The following RSPRY1 variants were observed in gnomAD, a reference collection of about 807,000 sequenced individuals.
RSPRY1 encodes RING finger and SPRY domain-containing protein 1.
In RSPRY1, 23 loss-of-function variants were observed where a neutral mutation model predicts 73.1. The ratio of observed to expected loss-of-function variants is 0.31; its 90% CI spans 0.23 to 0.45. RSPRY1 has a LOEUF of 0.45. Among genes scored for constraint, RSPRY1 ranks in the 20% least tolerant of loss-of-function variants. RSPRY1 has a pLI of 1.00. For synonymous variants in RSPRY1, 226 were observed against 251.4 expected, an observed-to-expected ratio of 0.90 and a Z score of 0.95; for missense variants, 448 against 698.7, an observed-to-expected ratio of 0.64 and a Z score of 4.05.
At chr16:57,191,265 G>C (rs2074347862) in intron 1 of RSPRY1, among the ~76,000 whole-genome samples, 1 of 152,120 alleles carries the variant, frequency 6.6e-6, no homozygotes, top group African/African-American at 2.4e-5. Flanking sequence ...GGGAAATATA[G>C]CACTGTTTGT....
At chr16:57,212,688 C>T (rs187591372) in intron 4 of RSPRY1, among the ~76,000 whole-genome samples, 1 of 152,194 alleles carries the variant, frequency 6.6e-6, no homozygotes, top group Non-Finnish European at 1.5e-5. Flanking sequence ...GATCTCGGCT[C>T]ACTGCAACCT....
At chr16:57,226,191 T>A (rs563176266) in intron 10 of RSPRY1, among the ~76,000 whole-genome samples, 1 of 152,346 alleles carries the variant, frequency 6.6e-6, no homozygotes, top group Admixed American at 6.5e-5. Flanking sequence ...TCTCCAGTTT[T>A]GAAATCTCTG....
At chr16:57,208,029 G>C in intron 2 of RSPRY1, 29 bp from the exon 3 acceptor site, 1 of 1,441,428 alleles carries the variant, frequency 6.9e-7, no homozygotes, top group Non-Finnish European at 9.6e-7. Flanking sequence ...TATTTCCTCA[G>C]GTTTAATGCC....
At chr16:57,216,380 C>G in intron 7 of RSPRY1, 1 of 494,976 alleles carries the variant, frequency 2.0e-6, no homozygotes, top group East Asian at 3.3e-5. Flanking sequence ...ACTTGGTAAC[C>G]ATGTTTACTC....
At chr16:57,227,290 C>T in intron 10 of RSPRY1, 52 bp from the exon 11 acceptor site, 3 of 1,240,520 alleles carry the variant, frequency 2.4e-6, no homozygotes, top group Non-Finnish European at 3.6e-6. Context: ...CTCTCTGTTC[C>T]CAGGTCAGAG....
At chr16:57,225,749 C>T (rs752561960) in intron 10 of RSPRY1, among the ~76,000 whole-genome samples, 3 of 152,200 alleles carry the variant, frequency 2.0e-5, no homozygotes, top group Non-Finnish European at 4.4e-5. Flanking sequence ...TTTATTTTAA[C>T]AGTTCTGTGA....
chr16:57,201,425 C>T (rs2074602276), intron 1 of RSPRY1, among the ~76,000 whole-genome samples: 1 of 150,138 alleles, frequency 6.7e-6, no homozygotes, highest in Non-Finnish European at 1.5e-5. Context: ...ACGCTCCTCA[C>T]TTCCTAGATG....
In RSPRY1 at chr16:57,204,589, A is replaced by C; in HGVS notation, c.-70A>C. On this transcript the variant is annotated 5_prime_UTR_variant, in exon 2 of 15. Coordinates refer to ENST00000394420, the MANE Select transcript of RSPRY1 (RefSeq NM_133368.3). ...CTTTCTTTGGCATTCAGTTGTTAAAAACAAATAGGATGCAAATTCCTCAAC... is the reference window on the plus strand; with the variant it reads ...CTTTCTTTGGCATTCAGTTGTTAAACACAAATAGGATGCAAATTCCTCAAC... 2 of 1,425,104 alleles carry C rather than the reference A, an allele frequency of 1.4e-6. No individual in the cohort carries two copies. The highest frequency in any genetic ancestry group is 1.9e-6 in the Non-Finnish European group (2 of 1,033,874). 88.3% of individuals were successfully genotyped at this position (1,425,104 alleles called of 1,614,324 possible). A position where few individuals can be genotyped will look rare whatever the true frequency, so the allele number is the denominator to read the frequency against.
chr16:57,188,104 T>A (rs1017136859), intron 1 of RSPRY1, among the ~76,000 whole-genome samples: 2 of 152,242 alleles, frequency 1.3e-5, no homozygotes, highest in Non-Finnish European at 2.9e-5. Context: ...CTATGCGTTG[T>A]TGTGGTAGCC....
intron 1 of RSPRY1, among the ~76,000 whole-genome samples, chr16:57,191,075 G>A (rs1314144554): frequency 1.3e-5 from 2 of 152,060 alleles, no homozygotes; most frequent in Non-Finnish European, 2.9e-5. Context: ...AATTTCATAG[G>A]TCCTATGTAC....
chr16:57,212,252 A>G (rs544357391), intron 4 of RSPRY1, among the ~76,000 whole-genome samples: 8 of 152,324 alleles, frequency 5.3e-5, no homozygotes, highest in African/African-American at 1.9e-4. Flanking sequence ...TAAAGGCTAC[A>G]GTGAGCCATG....
chr16:57,235,064 C>A, intron 13 of RSPRY1, 60 bp from the exon 14 acceptor site: 1 of 1,160,182 alleles, frequency 8.6e-7, no homozygotes, highest in Non-Finnish European at 1.3e-6. Flanking sequence ...ATTTCATATG[C>A]ATCACTGCTA....
intron 8 of RSPRY1, among the ~76,000 whole-genome samples, chr16:57,218,115 T>C (rs2074970335): frequency 6.6e-6 from 1 of 152,240 alleles, no homozygotes; most frequent in Non-Finnish European, 1.5e-5. Flanking sequence ...CTTATTTGTT[T>C]GTTTATTTTT....
intron 10 of RSPRY1, among the ~76,000 whole-genome samples, chr16:57,225,886 C>A (rs1192801451): frequency 1.3e-5 from 2 of 152,198 alleles, no homozygotes; most frequent in African/African-American, 4.8e-5. Context: ...CGAGACCAGC[C>A]TGACCAACAT....
chr16:57,216,333 G>C, intron 7 of RSPRY1, 160 bp downstream of exon 7: 1 of 556,866 alleles, frequency 1.8e-6, no homozygotes, highest in Non-Finnish European at 3.2e-6. Flanking sequence ...AAGTATAACA[G>C]GGACAAAGGC....
intron 7 of RSPRY1, 187 bp downstream of exon 7, chr16:57,216,360 A>G: frequency 1.9e-6 from 1 of 516,210 alleles, no homozygotes; most frequent in Non-Finnish European, 3.4e-6. Flanking sequence ...TTTCTCACCT[A>G]AGAATCAAAA....
intron 1 of RSPRY1, among the ~76,000 whole-genome samples, chr16:57,202,456 G>A (rs1395866231): frequency 6.6e-6 from 1 of 152,132 alleles, no homozygotes; most frequent in Non-Finnish European, 1.5e-5. Context: ...TCCTATTTCT[G>A]ATTTCTGTTT....
At chr16:57,210,795 ATTGT>A (rs2074827634) in intron 4 of RSPRY1, among the ~76,000 whole-genome samples, 1 of 152,052 alleles carries the variant, frequency 6.6e-6, no homozygotes, top group Admixed American at 6.6e-5. Flanking sequence ...AAGCAGGCAG[ATTGT>A]TTGAGTCCAG....
chr16:57,218,182 A>T (rs2074971331), intron 8 of RSPRY1, among the ~76,000 whole-genome samples: 2 of 152,210 alleles, frequency 1.3e-5, no homozygotes, highest in Non-Finnish European at 2.9e-5. Flanking sequence ...TAATGGATAT[A>T]TAGTAATACA....
Sources: allele counts gnomAD v4.1 joint callset (sites outside exome capture counted in the v4.1 genomes callset), GRCh38; gene constraint gnomAD v4.1.1; transcripts MANE v1.5; gene names NCBI Gene and HGNC (gene_info 2026-07-23, HGNC 2026-07-21).